OPCML: variants seen among roughly 807,000 people sequenced by gnomAD.
OPCML encodes the protein opioid binding protein/cell adhesion molecule like.
In OPCML, 13 loss-of-function variants were observed where a neutral mutation model predicts 37.8. The observed-to-expected ratio is 0.34, with a 90% CI of 0.22 to 0.55. OPCML has a LOEUF of 0.55. OPCML is among the 20% of genes least tolerant of loss of function. OPCML has a pLI of 0.91. For missense variants in OPCML, 341 were observed against 435.6 expected (o/e 0.78, Z 1.93); for synonymous variants, 176 against 168.8 (o/e 1.04, Z -0.33).
chr11:132,467,461 T>A (rs916724143), intron 4 of OPCML, among the ~76,000 whole-genome samples: 1 of 152,218 alleles, frequency 6.6e-6, no homozygotes, highest in African/African-American at 2.4e-5. Flanking sequence ...CAGCACAAAT[T>A]GTCTGTACAA....
At chr11:133,312,610 G>C (rs942281167) in intron 1 of OPCML, among the ~76,000 whole-genome samples, 1 of 152,208 alleles carries the variant, frequency 6.6e-6, no homozygotes, top group East Asian at 1.9e-4. Flanking sequence ...AAGAAAATTA[G>C]TGGAGGCTCA....
intron 1 of OPCML, among the ~76,000 whole-genome samples, chr11:133,142,286 G>A (rs1397331352): frequency 1.3e-5 from 2 of 152,162 alleles, no homozygotes; most frequent in Non-Finnish European, 2.9e-5. Flanking sequence ...GGCACTCAAT[G>A]TTCTTCTCAA....
At chr11:132,636,350 A>G (rs1365170315) in intron 3 of OPCML, among the ~76,000 whole-genome samples, 1 of 152,216 alleles carries the variant, frequency 6.6e-6, no homozygotes, top group Non-Finnish European at 1.5e-5. Context: ...CATTTGTCAC[A>G]TAATTCTGTT....
intron 4 of OPCML, among the ~76,000 whole-genome samples, chr11:132,521,818 A>C (rs2096294608): frequency 6.6e-6 from 1 of 152,236 alleles, no homozygotes; most frequent in Non-Finnish European, 1.5e-5. Context: ...GAATAATTGC[A>C]CTGTGGAGTT....
chr11:132,760,788 T>G (rs138418088), intron 2 of OPCML, among the ~76,000 whole-genome samples: 3,091 of 152,172 alleles, frequency 0.02, 84 homozygotes, highest in African/African-American at 0.068. Flanking sequence ...GGGGCATTTA[T>G]CCTGTTTACA....
chr11:132,908,306 G>A (rs1475358570), intron 2 of OPCML, among the ~76,000 whole-genome samples: 1 of 152,062 alleles, frequency 6.6e-6, no homozygotes, highest in Admixed American at 6.5e-5. Context: ...ACACATATAT[G>A]CACACACGTG....
chr11:133,299,040 T>C (rs1942711401), intron 1 of OPCML: 1 of 152,098 alleles, frequency 6.6e-6, no homozygotes, highest in Non-Finnish European at 1.5e-5. Context: ...GGTCATCCTA[T>C]TTGTAGCTTT....
chr11:132,841,515 A>AGAAAAGT (rs1240809056), intron 2 of OPCML, among the ~76,000 whole-genome samples: 2 of 152,158 alleles, frequency 1.3e-5, no homozygotes, highest in Non-Finnish European at 2.9e-5. Flanking sequence ...TAGGGGAGGA[A>AGAAAAGT]GAAAAGTGTG....
chr11:132,970,151 A>G (rs1946308043), intron 1 of OPCML, among the ~76,000 whole-genome samples: 1 of 152,140 alleles, frequency 6.6e-6, no homozygotes, highest in South Asian at 2.1e-4. Flanking sequence ...ACCTTAGAGG[A>G]GCCAAGTGCA....
intron 2 of OPCML, among the ~76,000 whole-genome samples, chr11:132,677,588 C>T (rs527895248): frequency 1.3e-5 from 2 of 152,236 alleles, no homozygotes; most frequent in East Asian, 3.9e-4. Context: ...GAATAGAGAG[C>T]TTCCAAATAG....
intron 1 of OPCML, among the ~76,000 whole-genome samples, chr11:133,201,780 A>G (rs113806037): frequency 0.014 from 2,117 of 152,290 alleles, 16 homozygotes; most frequent in Non-Finnish European, 0.02. Flanking sequence ...AACACTGGCT[A>G]AAGCCACTAT....
intron 1 of OPCML, among the ~76,000 whole-genome samples, chr11:133,381,340 T>C (rs1393427063): frequency 6.6e-6 from 1 of 152,136 alleles, no homozygotes; most frequent in Non-Finnish European, 1.5e-5. Flanking sequence ...CAAACCAAGA[T>C]TGAAAAGTAT....
intron 1 of OPCML, among the ~76,000 whole-genome samples, chr11:133,033,110 T>C (rs1947704264): frequency 6.6e-6 from 1 of 152,214 alleles, no homozygotes; most frequent in South Asian, 2.1e-4. Context: ...ATGCAGATAT[T>C]ACCCAGAAAA....
intron 1 of OPCML, among the ~76,000 whole-genome samples, chr11:133,094,048 T>C (rs951699095): frequency 1.5e-4 from 23 of 152,158 alleles, no homozygotes; most frequent in Admixed American, 1.2e-3. Flanking sequence ...TGTGTCTAAA[T>C]ATCAGCCTTA....
intron 4 of OPCML, among the ~76,000 whole-genome samples, chr11:132,492,432 C>T (rs1005699134): frequency 2.0e-5 from 3 of 151,848 alleles, no homozygotes; most frequent in Admixed American, 6.6e-5. Flanking sequence ...GTATAGGGCG[C>T]GAGAGAAAGA....
intron 2 of OPCML, among the ~76,000 whole-genome samples, chr11:132,798,680 C>A (rs942208254): frequency 6.6e-6 from 1 of 152,186 alleles, no homozygotes; most frequent in Non-Finnish European, 1.5e-5. Context: ...TTTTGACCTC[C>A]TTTCATGAAT....
chr11:133,420,480 T>C, intron 1 of OPCML: 3 of 985,270 alleles, frequency 3.0e-6, no homozygotes, highest in Non-Finnish European at 3.6e-6. Flanking sequence ...TCTTCTTCTT[T>C]AGGACTTTTA....
intron 1 of OPCML, among the ~76,000 whole-genome samples, chr11:132,945,547 C>T (rs79988691): frequency 0.014 from 2,117 of 152,276 alleles, 47 homozygotes; most frequent in African/African-American, 0.048. Flanking sequence ...GACATTACTG[C>T]ACACCACCGT....
At chr11:133,048,130 G>C (rs1948058414) in intron 1 of OPCML, among the ~76,000 whole-genome samples, 1 of 152,116 alleles carries the variant, frequency 6.6e-6, no homozygotes, top group African/African-American at 2.4e-5. Flanking sequence ...TTCCCTATGG[G>C]ATGCTAACTC....
Sources: gnomAD v4.1 joint callset for allele counts (sites outside exome capture counted in the v4.1 genomes callset) on GRCh38, gnomAD v4.1.1 for gene constraint, MANE v1.5 for transcripts, NCBI Gene and HGNC (gene_info 2026-07-23, HGNC 2026-07-21) for gene names.